Variants in DENND5B observed in about 807,000 individuals in gnomAD.
DENND5B encodes DENN domain-containing protein 5B.
In DENND5B, 34 loss-of-function variants were observed where a neutral mutation model predicts 140.6. The observed-to-expected ratio is 0.24, with a 90% CI of 0.18 to 0.32. DENND5B has a LOEUF of 0.32. Ranked by LOEUF, DENND5B falls within the 10% of genes least tolerant of loss-of-function variation. The pLI is 1.00. For missense variants in DENND5B, 1,142 were observed against 1,560.2 expected (o/e 0.73, Z 4.52); for synonymous variants, 551 against 562.1 (o/e 0.98, Z 0.28).
chr12:31,585,539 T>TA (rs1950368114), intron 1 of DENND5B, among the ~76,000 whole-genome samples: 1 of 152,184 alleles, frequency 6.6e-6, no homozygotes, highest in Non-Finnish European at 1.5e-5. Context: ...TTTCTGAGTT[T>TA]AAATAGAATA....
At chr12:31,584,886 T>C (rs960888153) in intron 1 of DENND5B, among the ~76,000 whole-genome samples, 39 of 138,398 alleles carry the variant, frequency 2.8e-4, no homozygotes, top group African/African-American at 1.0e-3. Flanking sequence ...TTGGCGGCTA[T>C]ACTACGCAAG....
intron 3 of DENND5B, among the ~76,000 whole-genome samples, chr12:31,460,633 A>G (rs1342311555): frequency 6.6e-6 from 1 of 152,218 alleles, no homozygotes; most frequent in African/African-American, 2.4e-5. Context: ...TCATGGGTAG[A>G]CGAACTTATA....
At chr12:31,491,918 T>C (rs756965407) in intron 2 of DENND5B, among the ~76,000 whole-genome samples, 1 of 152,236 alleles carries the variant, frequency 6.6e-6, no homozygotes, top group Non-Finnish European at 1.5e-5. Flanking sequence ...CAGAAGGTGA[T>C]GACTCACTGC....
chr12:31,522,027 A>C (rs2139009298), intron 1 of DENND5B, among the ~76,000 whole-genome samples: 1 of 152,128 alleles, frequency 6.6e-6, no homozygotes, highest in East Asian at 1.9e-4. Flanking sequence ...CTTCTCTCTC[A>C]TGTTAGCTAT....
intron 1 of DENND5B, among the ~76,000 whole-genome samples, chr12:31,526,047 A>T (rs1288569986): frequency 6.6e-6 from 1 of 152,164 alleles, no homozygotes; most frequent in Non-Finnish European, 1.5e-5. Flanking sequence ...TTTAAATGTG[A>T]TCTTCTCCCT....
intron 16 of DENND5B, 61 bp downstream of exon 16, chr12:31,399,593 C>T (rs1003467601): frequency 2.7e-5 from 38 of 1,392,766 alleles, no homozygotes; most frequent in Non-Finnish European, 3.6e-5. Flanking sequence ...ATTCTTAAAC[C>T]TTTTCTTACC....
At chr12:31,426,496 C>A in intron 8 of DENND5B, 72 bp from the exon 9 acceptor site, 1 of 1,503,704 alleles carries the variant, frequency 6.7e-7, no homozygotes, top group Non-Finnish European at 8.9e-7. Flanking sequence ...CTTATACAAA[C>A]AAGTGCAGAG....
At chr12:31,478,389 C>T (rs947006340) in intron 3 of DENND5B, among the ~76,000 whole-genome samples, 21 of 152,096 alleles carry the variant, frequency 1.4e-4, no homozygotes, top group African/African-American at 4.6e-4. Context: ...ACAATTCTGC[C>T]AGCTTAAATA....
intron 1 of DENND5B, among the ~76,000 whole-genome samples, chr12:31,519,987 G>A (rs1201886123): frequency 6.6e-6 from 1 of 152,162 alleles, no homozygotes; most frequent in African/African-American, 2.4e-5. Flanking sequence ...TGCTAGGTGT[G>A]TTTGCTACCT....
At chr12:31,505,048 A>G (rs1591943211) in intron 1 of DENND5B, among the ~76,000 whole-genome samples, 1 of 152,294 alleles carries the variant, frequency 6.6e-6, no homozygotes, top group East Asian at 1.9e-4. Context: ...CTGAAGTATT[A>G]TGGGGTTGTT....
intron 7 of DENND5B, among the ~76,000 whole-genome samples, chr12:31,441,766 G>A (rs1021332270): frequency 2.6e-5 from 4 of 152,088 alleles, no homozygotes; most frequent in Admixed American, 6.6e-5. Flanking sequence ...ACGGCTCACC[G>A]TAGCCTCAAC....
chr12:31,441,323 C>G lies in DENND5B; in HGVS notation c.2012+1452G>C, dbSNP rs370329045. The stretch of plus-strand genomic sequence containing the variant: ...TCGGGCCACAGCACTCCAGCCTGGG[C>G]AACAGAGCAAGACCTTGTCTCAAAA... On this transcript the variant is annotated intron_variant, in intron 7 of 20. Coordinates refer to ENST00000389082, the MANE Select transcript of DENND5B (RefSeq NM_144973.4). 1.3e-3 allele frequency among the ~76,000 whole-genome samples: 200 copies of G among 152,160 alleles called. 1 individual carries two copies. The highest frequency in any genetic ancestry group is 4.7e-3 in the African/African-American group (196 of 41,534).
chr12:31,548,156 C>A (rs1948923493), intron 1 of DENND5B, among the ~76,000 whole-genome samples: 1 of 152,084 alleles, frequency 6.6e-6, no homozygotes, highest in African/African-American at 2.4e-5. Flanking sequence ...CTTTGGGAGG[C>A]CGAGGCAGGA....
chr12:31,500,477 C>T lies in DENND5B; in HGVS notation c.128-4558G>A, dbSNP rs150450657. ...GGTGAATTGCTTGAGGTCAGGAGTTCGAGACCAGCCTGATCAACATGGTGA... is the reference window on the plus strand; with the variant it reads ...GGTGAATTGCTTGAGGTCAGGAGTTTGAGACCAGCCTGATCAACATGGTGA... On this transcript the variant is annotated intron_variant, in intron 1 of 20. Transcript: ENST00000389082. 2,077 of 427,540 alleles carry T rather than the reference C, an allele frequency of 4.9e-3. 30 individuals are homozygous for T. The highest frequency in any genetic ancestry group is 0.04 in the African/African-American group (1,940 of 48,428). 26.5% of individuals were successfully genotyped at this position (427,540 alleles called of 1,614,324 possible).
chr12:31,518,352 T>C (rs1231383485), intron 1 of DENND5B, among the ~76,000 whole-genome samples: 2 of 152,194 alleles, frequency 1.3e-5, no homozygotes, highest in South Asian at 2.1e-4. Context: ...TCAGCTAACA[T>C]GGTTTGCCTA....
chr12:31,571,154 C>T (rs1393225935), intron 1 of DENND5B, among the ~76,000 whole-genome samples: 1 of 152,166 alleles, frequency 6.6e-6, no homozygotes, highest in Non-Finnish European at 1.5e-5. Flanking sequence ...ACTCAGCCTC[C>T]CTGAAACATC....
At chr12:31,562,524 G>GA (rs1414536810) in intron 1 of DENND5B, among the ~76,000 whole-genome samples, 1 of 152,036 alleles carries the variant, frequency 6.6e-6, no homozygotes, top group Non-Finnish European at 1.5e-5. Flanking sequence ...TAAGGCAGGA[G>GA]AATCAGTTGA....
rs12230989 is a variant in DENND5B, at chr12:31,501,014, G to A, written c.128-5095C>T. Among the ~76,000 whole-genome samples, 163 of 152,266 alleles carry A rather than the reference G, an allele frequency of 1.1e-3. 2 individuals carry two copies. In the East Asian group the frequency reaches 0.03, roughly 28 times the overall value. On this transcript the variant is annotated intron_variant, in intron 1 of 20. Transcript: ENST00000389082. ...AAAAACAATGAAAGTCTGAGATTCT[G>A]TCATAGCCAAAAGGAGCCTAAGTAG...
intron 1 of DENND5B, among the ~76,000 whole-genome samples, chr12:31,582,126 G>A (rs1441045567): frequency 6.6e-6 from 1 of 152,172 alleles, no homozygotes; most frequent in Non-Finnish European, 1.5e-5. Flanking sequence ...CACACACATG[G>A]AGGGCTGACT....
Sources: gnomAD v4.1 joint callset for allele counts (sites outside exome capture counted in the v4.1 genomes callset) on GRCh38, gnomAD v4.1.1 for gene constraint, MANE v1.5 for transcripts, NCBI Gene and HGNC (gene_info 2026-07-23, HGNC 2026-07-21) for gene names.